CDKAL1: variants seen among roughly 807,000 people sequenced by gnomAD.
CDKAL1 encodes threonylcarbamoyladenosine tRNA methylthiotransferase.
Under a neutral mutation model 68.2 loss-of-function variants are expected in CDKAL1, and 32 were observed. The observed-to-expected ratio is 0.47, with a 90% CI of 0.35 to 0.63. The LOEUF (loss-of-function observed/expected upper bound fraction) is 0.63. Among genes scored for constraint, CDKAL1 ranks in the 30% least tolerant of loss-of-function variants. The pLI is 0.00. For synonymous variants in CDKAL1, 234 were observed against 244.3 expected, an observed-to-expected ratio of 0.96 and a Z score of 0.39; for missense variants, 606 against 696.7, an observed-to-expected ratio of 0.87 and a Z score of 1.47.
chr6:20,628,001 C>T (rs1421252379), intron 4 of CDKAL1, among the ~76,000 whole-genome samples: 1 of 151,972 alleles, frequency 6.6e-6, no homozygotes, highest in African/African-American at 2.4e-5. Flanking sequence ...TTGTAAATTC[C>T]TTGGGATTTT....
chr6:20,926,903 A>G (rs1016252213), intron 9 of CDKAL1, among the ~76,000 whole-genome samples: 5 of 145,734 alleles, frequency 3.4e-5, no homozygotes, highest in African/African-American at 2.5e-5. Flanking sequence ...ATATATGTTT[A>G]TGTATATTTA....
chr6:20,753,762 A>G (rs1774038045), intron 6 of CDKAL1, among the ~76,000 whole-genome samples: 4 of 151,366 alleles, frequency 2.6e-5, no homozygotes, highest in Admixed American at 6.6e-5. Context: ...AAGTTTTTTT[A>G]TGGACATGTT....
chr6:20,816,102 A>G (rs187254223), intron 8 of CDKAL1, among the ~76,000 whole-genome samples: 45 of 145,302 alleles, frequency 3.1e-4, no homozygotes, highest in African/African-American at 1.1e-3. Flanking sequence ...TGATATCTGG[A>G]CACATGGCCT....
intron 15 of CDKAL1, among the ~76,000 whole-genome samples, chr6:21,224,324 T>A (rs2151127144): frequency 1.3e-5 from 2 of 152,246 alleles, no homozygotes; most frequent in East Asian, 3.9e-4. Context: ...GTCAAGAGTT[T>A]GAGACCAGCC....
intron 8 of CDKAL1, among the ~76,000 whole-genome samples, chr6:20,813,954 CA>C (rs57052093): frequency 2.6e-5 from 4 of 151,598 alleles, no homozygotes; most frequent in Non-Finnish European, 4.4e-5. Context: ...GCAGTTTTTA[CA>C]AAAAAATGCC....
chr6:21,073,106 T>A (rs1347015380), intron 12 of CDKAL1, among the ~76,000 whole-genome samples: 1 of 152,206 alleles, frequency 6.6e-6, no homozygotes, highest in Non-Finnish European at 1.5e-5. Flanking sequence ...TGGCTTTTTT[T>A]GCTTAGTAAT....
chr6:20,782,622 T>G (rs1443534936), intron 8 of CDKAL1, among the ~76,000 whole-genome samples: 3 of 152,220 alleles, frequency 2.0e-5, no homozygotes, highest in African/African-American at 7.2e-5. Context: ...TAACTTTAAT[T>G]GGCATTGAAA....
At chr6:20,588,071 T>C (rs1311389976) in intron 4 of CDKAL1, among the ~76,000 whole-genome samples, 3 of 152,162 alleles carry the variant, frequency 2.0e-5, no homozygotes, top group Non-Finnish European at 4.4e-5. Flanking sequence ...CACTCCAGCC[T>C]GGGCGACAGA....
In CDKAL1 at chr6:20,946,029, ATATCT is replaced by A. The variant is rs371371778; in HGVS notation, c.743-9387_743-9383del. On this transcript the variant is annotated intron_variant, in intron 9 of 15. Coordinates refer to ENST00000274695, the MANE Select transcript of CDKAL1 (RefSeq NM_017774.3). ...AGTTTTCATGAGCATAAGTATGAAAATATCTTAAAGTGAAGTTATTGAGAGCTTTC... is the reference window on the plus strand; with the variant it reads ...AGTTTTCATGAGCATAAGTATGAAAATAAAGTGAAGTTATTGAGAGCTTTC... Among the ~76,000 whole-genome samples, 31 of 152,338 alleles carry A rather than the reference ATATCT, an allele frequency of 2.0e-4. No individual in the cohort carries two copies. The East Asian group carries it at 3.1e-3, about 15-fold the overall frequency.
rs145894251 is a variant in CDKAL1, at chr6:21,191,992, C to CTTTTTTTTTTTTT, written c.1300-6001_1300-5989dup. Among the ~76,000 whole-genome samples, 17 of 34,530 alleles carry CTTTTTTTTTTTTT rather than the reference C, an allele frequency of 4.9e-4. 7 individuals carry two copies. The highest frequency in any genetic ancestry group is 8.0e-4 in the Admixed American group (2 of 2,496). 22.7% of individuals were successfully genotyped at this position (34,530 alleles called of 152,430 possible). A position where few individuals can be genotyped will look rare whatever the true frequency, so the allele number is the denominator to read the frequency against. ...AGGAATATTTTTATAATTCATTTTT[C>CTTTTTTTTTTTTT]TTTTTTTTTTTTTTTTTTTTTTTTT... On this transcript the variant is annotated intron_variant, in intron 13 of 15. Transcript: ENST00000274695.
chr6:20,860,279 A>G (rs1317996707), intron 9 of CDKAL1, among the ~76,000 whole-genome samples: 4 of 151,932 alleles, frequency 2.6e-5, no homozygotes, highest in South Asian at 2.1e-4. Context: ...GGGTTTCACC[A>G]TGTTGGCCAG....
intron 11 of CDKAL1, among the ~76,000 whole-genome samples, chr6:21,012,624 A>G (rs2150842979): frequency 6.6e-6 from 1 of 152,296 alleles, no homozygotes; most frequent in Admixed American, 6.5e-5. Context: ...GAATTATTAA[A>G]CCTTGCTTGG....
intron 4 of CDKAL1, among the ~76,000 whole-genome samples, chr6:20,617,480 C>T (rs919774838): frequency 1.3e-5 from 2 of 152,146 alleles, no homozygotes; most frequent in Non-Finnish European, 2.9e-5. Flanking sequence ...AGGTTTGTTA[C>T]ATAGATATAC....
chr6:21,168,629 G>T (rs1777246270), intron 13 of CDKAL1, among the ~76,000 whole-genome samples: 1 of 152,160 alleles, frequency 6.6e-6, no homozygotes, highest in Non-Finnish European at 1.5e-5. Flanking sequence ...CATACCATCT[G>T]TTTCTAAGGG....
chr6:21,200,679 T>G (rs1778651460), intron 14 of CDKAL1: 1 of 154,576 alleles, frequency 6.5e-6, no homozygotes, highest in Non-Finnish European at 1.4e-5. Flanking sequence ...TGCTGGGGGA[T>G]TTCCCAGGTC....
chr6:20,894,830 A>C (rs1761592395), intron 9 of CDKAL1, among the ~76,000 whole-genome samples: 1 of 152,210 alleles, frequency 6.6e-6, no homozygotes, highest in South Asian at 2.1e-4. Flanking sequence ...CATCATAGTG[A>C]GACCCTGTGT....
chr6:20,623,606 G>A (rs1767291917), intron 4 of CDKAL1, among the ~76,000 whole-genome samples: 1 of 152,060 alleles, frequency 6.6e-6, no homozygotes, highest in Admixed American at 6.6e-5. Context: ...GCAAATGCTT[G>A]CTGTATATGT....
At position 21,201,279 on chromosome 6, in the gene CDKAL1, G is replaced by C; in HGVS notation, c.1548+5G>C. 1 of 1,601,946 alleles carries C rather than the reference G, an allele frequency of 6.2e-7. No homozygotes were observed. The highest frequency in any genetic ancestry group is 8.5e-7 in the Non-Finnish European group (1 of 1,170,048). On this transcript the variant is annotated splice_donor_5th_base_variant and intron_variant, in intron 15 of 15. Transcript: ENST00000274695. ...GAAGTCTCGGGTTTGACAAAGGTAA[G>C]TAAAAGATGCTCTCCTCTCTACCCT...
At chr6:21,122,830 G>T (rs1479644214) in intron 13 of CDKAL1, among the ~76,000 whole-genome samples, 1 of 145,194 alleles carries the variant, frequency 6.9e-6, no homozygotes, top group African/African-American at 2.6e-5. Context: ...TTTTTGGTAG[G>T]GGGAGGGTCT....
Sources: gnomAD v4.1 joint callset for allele counts (sites outside exome capture counted in the v4.1 genomes callset) on GRCh38, gnomAD v4.1.1 for gene constraint, MANE v1.5 for transcripts, NCBI Gene and HGNC (gene_info 2026-07-23, HGNC 2026-07-21) for gene names.